Variants in ZIC3 observed in about 807,000 individuals in gnomAD.
ZIC3 encodes the protein Zic family zinc finger 3, also known as zinc finger protein ZIC 3.
In ZIC3, 6 loss-of-function variants were observed where a neutral mutation model predicts 18.3. The ratio of observed to expected loss-of-function variants is 0.33; its 90% CI spans 0.18 to 0.65. The LOEUF (loss-of-function observed/expected upper bound fraction) is 0.65. ZIC3 is among the 30% of genes least tolerant of loss of function. ZIC3 has a pLI of 0.75. For missense variants in ZIC3, 260 were observed against 410.0 expected, an observed-to-expected ratio of 0.63 and a Z score of 3.16; for synonymous variants, 175 against 177.0, an observed-to-expected ratio of 0.99 and a Z score of 0.09.
chrX:137,567,017 C>G lies in ZIC3; in HGVS notation c.326C>G (p.Ser109Cys), dbSNP rs373628598. Residue 109 changes from serine (S) to cysteine (C), a missense_variant, in exon 1 of 3, where the codon TCT (serine) becomes TGT (cysteine). By Grantham distance (112) the Ser-to-Cys change is moderately radical (BLOSUM62 -1). Coordinates refer to ENST00000287538, the MANE Select transcript of ZIC3 (RefSeq NM_003413.4). ...GTGCCCAGCTACGGTGGCGCTGCCT[C>G]TGCCGCCTTCAACTCAACGCGCGAG... The part of the protein sequence containing the change: ...SQVPSYGGAA[S>C]AAFNSTREFL... 26 of 1,166,883 alleles carry G rather than the reference C, an allele frequency of 2.2e-5. No homozygotes were observed. The African/African-American group carries it at 4.6e-4, about 21-fold the overall frequency.
At chrX:137,576,102 A>C (rs1602746715), downstream of ZIC3, among the ~76,000 whole-genome samples, 4 of 87,335 alleles carry the variant, frequency 4.6e-5, no homozygotes, top group African/African-American at 1.3e-4. Flanking sequence ...CGGTTCACTC[A>C]CTCCCCCATT....
Position 137,566,687 on chromosome X carries a change from C to A in ZIC3, c.-5C>A, listed in dbSNP as rs1028538698. 1 of 1,201,103 alleles carries A rather than the reference C, an allele frequency of 8.3e-7. No homozygotes were observed. The highest frequency in any genetic ancestry group is 1.1e-6 in the Non-Finnish European group (1 of 891,337). On this transcript the variant is annotated 5_prime_UTR_variant, in exon 1 of 3. Coordinates refer to ENST00000287538, the MANE Select transcript of ZIC3 (RefSeq NM_003413.4). ...CGGATCGCCTGTGCCCAGAACGTCC[C>A]ACCCATGACGATGCTCCTGGACGGA...
chrX:137,575,190 T>TGA (rs1322640936), downstream of ZIC3, among the ~76,000 whole-genome samples: 1 of 112,299 alleles, frequency 8.9e-6, no homozygotes, highest in Non-Finnish European at 1.9e-5. Flanking sequence ...GCGAAGCCTA[T>TGA]GAACACGTAA....
exon 3 of ZIC3, chrX:137,577,174 A>G: frequency 7.6e-6 from 4 of 525,456 alleles, no homozygotes; most frequent in Non-Finnish European, 1.4e-5. Context: ...GAAGAACTTG[A>G]TACTGACGTT....
At chrX:137,568,355 T>C (rs867860572) in intron 1 of ZIC3, among the ~76,000 whole-genome samples, 3 of 109,626 alleles carry the variant, frequency 2.7e-5, no homozygotes, top group Admixed American at 9.7e-5. Context: ...TCTATCTATC[T>C]ATCTATCTAT....
intron 2 of ZIC3, 97 bp from the exon 3 acceptor site, chrX:137,569,794 G>C: frequency 2.4e-6 from 2 of 824,831 alleles, no homozygotes; most frequent in Admixed American, 2.9e-5. Context: ...GTCACTGGGC[G>C]GTCTTGTTGT....
chrX:137,568,533 G>T (rs1204483499), intron 1 of ZIC3, among the ~76,000 whole-genome samples: 1 of 112,166 alleles, frequency 8.9e-6, no homozygotes, highest in Non-Finnish European at 1.9e-5. Context: ...CGCCGGGCTC[G>T]GTTACATTGC....
chrX:137,569,165 C>G, intron 2 of ZIC3, 100 bp downstream of exon 2: 1 of 884,434 alleles, frequency 1.1e-6, no homozygotes, highest in Non-Finnish European at 1.5e-6. Flanking sequence ...CTGTCTTCCA[C>G]GTTAAATCCG....
exon 3 of ZIC3, chrX:137,577,531 G>C: frequency 2.5e-5 from 5 of 196,590 alleles, no homozygotes; most frequent in Non-Finnish European, 4.6e-5. Flanking sequence ...TGTTGACCTT[G>C]GTGAAAATCT....
In ZIC3 at chrX:137,566,823, C is replaced by T; in HGVS notation, c.132C>T (p.Thr44=). Reference sequence around the variant, plus strand: ...GGCTGAATCCCTTCGGGGACTCAACCCACGCCGCCGCCGCCGCCGCCGCCG... The same window carrying T: ...GGCTGAATCCCTTCGGGGACTCAACTCACGCCGCCGCCGCCGCCGCCGCCG... ...GMGLNPFGDS[T]HAAAAAAAAA... The change falls in exon 1 of 3, where the codon ACC becomes ACT. Residue 44 remains threonine (T), a synonymous_variant. Coordinates refer to ENST00000287538, the MANE Select transcript of ZIC3 (RefSeq NM_003413.4). 1.7e-6 allele frequency: 2 copies of T among 1,165,206 alleles called. No homozygotes were observed. Among genetic ancestry groups the T allele is most frequent in the Non-Finnish European group, 2.3e-6 (2 of 874,703 alleles).
At chrX:137,577,029 A>G, downstream of ZIC3, 1 of 439,429 alleles carries the variant, frequency 2.3e-6, no homozygotes, top group Non-Finnish European at 4.1e-6. Flanking sequence ...GTTTAAAACA[A>G]CATATTCATG....
chrX:137,566,473 C>CCA lies in ZIC3; in HGVS notation c.-219_-218insCA. The CCA allele has an allele frequency of 4.7e-6, 1 of 212,682 alleles. No individual in the cohort carries two copies. Among genetic ancestry groups the CCA allele is most frequent in the Non-Finnish European group, 8.4e-6 (1 of 119,410 alleles). The allele number at this position is 212,682 out of a possible 1,213,427, so 17.5% of individuals were successfully genotyped here. On this transcript the variant is annotated 5_prime_UTR_variant, in exon 1 of 3. Transcript: ENST00000287538. ...TCCTCCCTCCTCCTCCCCCCGCCAA[C>CCA]ACCCCCTCCCTGCTCTTTCTTCCCC... is the stretch of plus-strand genomic sequence containing the variant.
downstream of ZIC3, among the ~76,000 whole-genome samples, chrX:137,574,863 G>A (rs1202827229): frequency 8.9e-6 from 1 of 112,562 alleles, no homozygotes. Context: ...CTCAGTTCTG[G>A]GCGCCTCGCG....
chrX:137,567,350 G>A lies in ZIC3; in HGVS notation c.659G>A (p.Ser220Asn). 8.3e-7 allele frequency: 1 copy of A among 1,211,601 alleles called. No homozygotes were observed. The highest frequency in any genetic ancestry group is 1.1e-6 in the Non-Finnish European group (1 of 895,577). The part of the protein sequence containing the change: ...YAAGAQFPNY[S>N]PMNMNMGVNV... ...GCCGGCGCTCAGTTTCCTAACTACAGCCCCATGAACATGAACATGGGAGTG... is the reference window on the plus strand; with the variant it reads ...GCCGGCGCTCAGTTTCCTAACTACAACCCCATGAACATGAACATGGGAGTG... The change falls in exon 1 of 3, where the codon AGC (serine) becomes AAC (asparagine). Residue 220 changes from serine (S) to asparagine (N), a missense_variant. Physicochemically the swap from Ser to Asn is conservative, Grantham distance 46. This residue lies in a region of ZIC3 where 183 missense variants were observed against 223.8 expected (regional missense o/e 0.82). Coordinates refer to ENST00000287538, the MANE Select transcript of ZIC3 (RefSeq NM_003413.4).
chrX:137,574,770 G>A (rs1347028818), downstream of ZIC3, among the ~76,000 whole-genome samples: 4 of 112,993 alleles, frequency 3.5e-5, no homozygotes, highest in East Asian at 1.1e-3. Flanking sequence ...GAACATGGCG[G>A]CCGGATGCGA....
downstream of ZIC3, among the ~76,000 whole-genome samples, chrX:137,573,129 A>ACCC (rs772470370): frequency 2.3e-5 from 1 of 42,735 alleles, no homozygotes; most frequent in African/African-American, 9.9e-5. Context: ...GAGAGTAAGT[A>ACCC]CCCCCCCCAA....
At chrX:137,568,876 C>T (rs779128399) in intron 1 of ZIC3, 26 bp from the exon 2 acceptor site, 8 of 1,210,092 alleles carry the variant, frequency 6.6e-6, no homozygotes, top group East Asian at 3.0e-5. Context: ...CGTATTTTAC[C>T]CCCCTTGGGT....
At position 137,566,374 on chromosome X, in the gene ZIC3, T is replaced by G; in HGVS notation, c.-318T>G. On this transcript the variant is annotated 5_prime_UTR_variant, in exon 1 of 3. It adds an upstream start codon to the 5' untranslated region. Transcript: ENST00000287538. ...GCAAACTCCGCCCTCCACTTACTAT[T>G]TTGCTTATTTTTCTTTGTGCGCGCC... The G allele has an allele frequency of 2.9e-6, 1 of 348,226 alleles. No homozygotes were observed. The allele number at this position is 348,226 out of a possible 1,213,427, so 28.7% of individuals were successfully genotyped here.
At chrX:137,569,685 C>G (rs1178000700) in intron 2 of ZIC3, among the ~76,000 whole-genome samples, 1 of 112,124 alleles carries the variant, frequency 8.9e-6, no homozygotes, top group East Asian at 2.8e-4. Context: ...TTCCGTAACA[C>G]CAGTCTTAGG....
Sources: gnomAD v4.1 joint callset for allele counts (sites outside exome capture counted in the v4.1 genomes callset) on GRCh38, gnomAD v4.1.1 for gene constraint, gnomAD v4.1.1 regional missense constraint, MANE v1.5 for transcripts, NCBI Gene and HGNC (gene_info 2026-07-23, HGNC 2026-07-21) for gene names.